Variants in ZMYND8 observed in about 807,000 individuals in gnomAD.
ZMYND8 encodes zinc finger MYND-type containing 8.
A neutral mutation model predicts 140.8 loss-of-function variants in ZMYND8; 37 were observed. That is an observed-to-expected ratio of 0.26 (90% CI 0.20 to 0.35). The LOEUF (loss-of-function observed/expected upper bound fraction) is 0.35, where lower values mean the gene tolerates loss of function less well. Ranked by LOEUF, ZMYND8 falls within the 10% of genes least tolerant of loss-of-function variation. ZMYND8 has a pLI of 1.00. For missense variants in ZMYND8, 1,068 were observed against 1,570.0 expected (o/e 0.68, Z 5.40); for synonymous variants, 592 against 597.1 (o/e 0.99, Z 0.12).
intron 2 of ZMYND8, among the ~76,000 whole-genome samples, chr20:47,326,354 G>A (rs948957549): frequency 1.1e-4 from 16 of 152,148 alleles, no homozygotes; most frequent in Non-Finnish European, 1.6e-4. Flanking sequence ...CACCCGCCTC[G>A]GCCTCCCAAA....
At chr20:47,281,150 C>T (rs2076581695) in intron 10 of ZMYND8, among the ~76,000 whole-genome samples, 1 of 152,244 alleles carries the variant, frequency 6.6e-6, no homozygotes, top group South Asian at 2.1e-4. Flanking sequence ...AGGTGCAATA[C>T]TTCCTACCAA....
intron 3 of ZMYND8, among the ~76,000 whole-genome samples, chr20:47,299,877 C>T (rs149380354): frequency 5.4e-4 from 82 of 152,274 alleles, no homozygotes; most frequent in Non-Finnish European, 1.0e-3. Flanking sequence ...CCACTGCACC[C>T]GGCCAGTTAT....
intron 7 of ZMYND8, 105 bp from the exon 8 acceptor site, chr20:47,287,389 A>T (rs1192753619): frequency 9.9e-7 from 1 of 1,008,234 alleles, no homozygotes; most frequent in East Asian, 2.5e-5. Flanking sequence ...TTCCCCCAGG[A>T]TTAAGCTTTT....
At chr20:47,307,402 G>C (rs926185343) in intron 3 of ZMYND8, among the ~76,000 whole-genome samples, 2 of 151,760 alleles carry the variant, frequency 1.3e-5, no homozygotes, top group African/African-American at 4.8e-5. Flanking sequence ...AGGTTGCAGT[G>C]AGCTGAGACT....
rs141717112 is a variant in ZMYND8, at chr20:47,289,850, T to C, written c.748+337A>G. ...CATGTATGAGAATCCAACAGGCTGATAGGAATGTTCTGGATCTTGTGGTTA... is the reference window on the plus strand; with the variant it reads ...CATGTATGAGAATCCAACAGGCTGACAGGAATGTTCTGGATCTTGTGGTTA... On this transcript the variant is annotated intron_variant, in intron 7 of 22. Transcript: ENST00000471951. 2.1e-4 allele frequency among the ~76,000 whole-genome samples: 32 copies of C among 152,350 alleles called. No individual in the cohort carries two copies. In the East Asian group the frequency reaches 4.6e-3, roughly 22 times the overall value.
intron 21 of ZMYND8, among the ~76,000 whole-genome samples, chr20:47,213,737 A>G (rs929431420): frequency 2.0e-5 from 3 of 152,252 alleles, no homozygotes; most frequent in African/African-American, 7.2e-5. Flanking sequence ...AAGGTAGCAC[A>G]TAAAATAGCA....
At chr20:47,213,441 G>A (rs185268382) in intron 21 of ZMYND8, among the ~76,000 whole-genome samples, 2 of 152,330 alleles carry the variant, frequency 1.3e-5, no homozygotes, top group East Asian at 3.9e-4. Flanking sequence ...TACACTATGT[G>A]ACTCTGCCAT....
intron 11 of ZMYND8, among the ~76,000 whole-genome samples, chr20:47,265,049 T>TATAC (rs2075414154): frequency 9.7e-6 from 1 of 103,614 alleles, no homozygotes; most frequent in Non-Finnish European, 1.8e-5. Context: ...AAAAAATATA[T>TATAC]ATACATATAT....
intron 16 of ZMYND8, among the ~76,000 whole-genome samples, chr20:47,235,405 C>T (rs944899781): frequency 6.6e-6 from 1 of 152,010 alleles, no homozygotes; most frequent in African/African-American, 2.4e-5. Context: ...TCAACAGTGA[C>T]CATAAAAGCA....
At chr20:47,339,036 G>T (rs1271728456) in intron 2 of ZMYND8, among the ~76,000 whole-genome samples, 1 of 147,838 alleles carries the variant, frequency 6.8e-6, no homozygotes, top group African/African-American at 2.5e-5. Context: ...GCAGTGGCGT[G>T]ATCTTGGCTC....
At position 47,246,065 on chromosome 20, in the gene ZMYND8, C is replaced by T. The variant is rs2040530842; in HGVS notation, c.2227G>A (p.Gly743Arg). The T allele has an allele frequency of 2.5e-6, 4 of 1,613,610 alleles. No individual in the cohort carries two copies. The highest frequency in any genetic ancestry group is 1.7e-5 in the Admixed American group (1 of 59,872). ...TTCTTATTTTTTCGACCCTCCCGCC[C>T]AGAATGGTCTTCTCCTAAATCTATG... The part of the protein sequence containing the change: ...LVIDLGEDHS[G>R]REGRKNKKEP... The change falls in exon 14 of 23, where the codon GGG (glycine) becomes AGG (arginine). Residue 743 changes from glycine to arginine, a missense_variant. Physicochemically the swap from Gly to Arg is moderately radical, Grantham distance 125. Around this residue, in one of 10 missense-constraint regions of ZMYND8, gnomAD observed 383 missense variants for 431.2 expected, o/e 0.89. Transcript: ENST00000471951.
chr20:47,272,430 C>A (rs2076013731), intron 11 of ZMYND8, among the ~76,000 whole-genome samples: 1 of 152,136 alleles, frequency 6.6e-6, no homozygotes, highest in Non-Finnish European at 1.5e-5. Context: ...ACCAAAGGAC[C>A]ATTAGCCCAG....
Position 47,210,842 on chromosome 20 carries a change from C to T in ZMYND8, c.3624G>A (p.Ser1208=), listed in dbSNP as rs375130226. Residue 1208 remains serine, a synonymous_variant, in exon 23 of 23, where the codon TCG becomes TCA. Coordinates refer to ENST00000471951, the MANE Select transcript of ZMYND8 (RefSeq NM_001281775.3). The stretch of plus-strand genomic sequence containing the variant: ...TACTGGTGTTGTGATCGGAACGTGT[C>T]GATCCCCTCTTCTCATCACTGCTGC... ...SWSSSDEKRG[S]TRSDHNTSTS... 1.9e-5 allele frequency: 31 copies of T among 1,613,910 alleles called. No individual in the cohort carries two copies. Among genetic ancestry groups the T allele is most frequent in the African/African-American group, 1.9e-4 (14 of 74,864 alleles).
chr20:47,320,616 T>TGGGGAAGCTGAGGCA (rs2079860807), intron 2 of ZMYND8: 1 of 152,198 alleles, frequency 6.6e-6, no homozygotes, highest in Non-Finnish European at 1.5e-5. Flanking sequence ...CTACTCCTAC[T>TGGGGAAGCTGAGGCA]GGGGAAGCTG....
chr20:47,268,290 CTTTTTT>C (rs561765484), intron 11 of ZMYND8, among the ~76,000 whole-genome samples: 3 of 107,344 alleles, frequency 2.8e-5, no homozygotes, highest in Non-Finnish European at 3.6e-5. Flanking sequence ...AACCCCGTCT[CTTTTTT>C]TTTTTTTTTT....
intron 2 of ZMYND8, among the ~76,000 whole-genome samples, chr20:47,313,849 A>AT (rs1171568756): frequency 4.0e-5 from 6 of 150,806 alleles, no homozygotes; most frequent in Non-Finnish European, 8.9e-5. Flanking sequence ...AGGAGAATCG[A>AT]TTGAGCCCAG....
At chr20:47,315,261 A>T (rs1199495442) in intron 2 of ZMYND8, among the ~76,000 whole-genome samples, 5 of 152,172 alleles carry the variant, frequency 3.3e-5, no homozygotes, top group Non-Finnish European at 7.3e-5. Context: ...AAGCATGCCC[A>T]CACCTGAGAG....
chr20:47,329,684 G>A (rs1443788350), intron 2 of ZMYND8, among the ~76,000 whole-genome samples: 2 of 152,080 alleles, frequency 1.3e-5, no homozygotes, highest in African/African-American at 2.4e-5. Context: ...GATTACAGGC[G>A]TGAGCCACCA....
At chr20:47,279,425 G>C (rs1257874286) in intron 10 of ZMYND8, among the ~76,000 whole-genome samples, 2 of 151,586 alleles carry the variant, frequency 1.3e-5, no homozygotes, top group Non-Finnish European at 2.9e-5. Flanking sequence ...GCAACAAAGC[G>C]AGACCCCGCC....
Sources: gnomAD v4.1 joint callset for allele counts (sites outside exome capture counted in the v4.1 genomes callset) on GRCh38, gnomAD v4.1.1 for gene constraint, gnomAD v4.1.1 regional missense constraint, MANE v1.5 for transcripts, NCBI Gene and HGNC (gene_info 2026-07-23, HGNC 2026-07-21) for gene names.